Variants in PIDD1 observed in about 807,000 individuals in gnomAD.
PIDD1 encodes p53-induced death domain-containing protein 1.
PIDD1 carries 72 observed loss-of-function variants against 80.0 expected under a neutral mutation model. The observed-to-expected ratio is 0.90, with a 90% CI of 0.74 to 1.09. PIDD1 has a LOEUF of 1.09. Ranked by LOEUF, PIDD1 falls within the 50% of genes least tolerant of loss-of-function variation. The pLI is 0.00. For missense variants in PIDD1, 1,329 were observed against 1,228.3 expected (o/e 1.08, Z -1.23); for synonymous variants, 655 against 543.5 (o/e 1.21, Z -2.85).
intron 2 of PIDD1, 105 bp from the exon 3 acceptor site, chr11:803,692 C>T: frequency 8.0e-7 from 1 of 1,250,506 alleles, no homozygotes; most frequent in Non-Finnish European, 1.1e-6. Context: ...AGACCTCCCA[C>T]CCCACCCCCA....
At position 801,179 on chromosome 11, in the gene PIDD1, T is replaced by C. The variant is rs371875584; in HGVS notation, c.1630+39A>G. The C allele has an allele frequency of 2.6e-6, 4 of 1,544,186 alleles. No homozygotes were observed. The African/African-American group carries it at 4.1e-5, about 16-fold the overall frequency. ...CTGGCCGGAGACCCCCTCCACCCTA[T>C]GGCCACAGGTCCAGGTATGCCCCAT... On this transcript the variant is annotated intron_variant, in intron 9 of 15. Transcript: ENST00000347755.
Position 802,293 on chromosome 11 carries a change from G to C in PIDD1, c.1078C>G (p.Leu360Val). The change falls in exon 6 of 16, where the codon CTG (leucine) becomes GTG (valine). Residue 360 changes from leucine to valine, a missense_variant. Transcript: ENST00000347755. ...TATPITIRYR[L>V]LLPEPGLVPL... The stretch of plus-strand genomic sequence containing the variant: ...ACGAGGCCTGGCTCCGGCAGCAGCA[G>C]CCGATAGCGGATGGTGATGGGGGTG... The C allele has an allele frequency of 6.2e-7, 1 of 1,612,178 alleles. No homozygotes were observed. The highest frequency in any genetic ancestry group is 8.5e-7 in the Non-Finnish European group (1 of 1,179,740).
chr11:808,147 C>T (rs1361001340), upstream of PIDD1, among the ~76,000 whole-genome samples: 4 of 151,680 alleles, frequency 2.6e-5, no homozygotes, highest in African/African-American at 9.7e-5. Context: ...TGAGATGGGG[C>T]TGGGCACAGT....
In PIDD1 at chr11:803,306, GGGCCCCCAGT is replaced by G; in HGVS notation, c.567_576del (p.Leu190TyrfsTer78). 1 of 1,613,786 alleles carries G rather than the reference GGGCCCCCAGT, an allele frequency of 6.2e-7. No homozygotes were observed. Among genetic ancestry groups the G allele is most frequent in the Non-Finnish European group, 8.5e-7 (1 of 1,179,846 alleles). The stretch of plus-strand genomic sequence containing the variant: ...AGATCGAGGCGCTGCAGGGTGGATA[GGGCCCCCAGT>G]GCTGGGGGCAGCGTCTGCAGGCGGT... On this transcript the variant is annotated frameshift_variant, in exon 3 of 16. Coordinates refer to ENST00000347755, the MANE Select transcript of PIDD1 (RefSeq NM_145886.4). LOFTEE classifies it high-confidence loss of function.
Position 801,417 on chromosome 11 carries a change from G to A in PIDD1, c.1482+28C>T, listed in dbSNP as rs764619642. On this transcript the variant is annotated intron_variant, in intron 8 of 15. Coordinates refer to ENST00000347755, the MANE Select transcript of PIDD1 (RefSeq NM_145886.4). ...CTGCCTGTGGGCTGAGGCGCGGCCT[G>A]CCACCCTCAGTGCTGTCCTGGCCAT... 25 of 1,569,648 alleles carry A rather than the reference G, an allele frequency of 1.6e-5. 1 individual carries two copies. The Middle Eastern group carries it at 3.6e-3, about 225-fold the overall frequency.
In PIDD1 at chr11:802,075, G is replaced by A; in HGVS notation, c.1192C>T (p.Leu398=). 6.3e-7 allele frequency: 1 copy of A among 1,579,776 alleles called. No homozygotes were observed. The highest frequency in any genetic ancestry group is 8.6e-7 in the Non-Finnish European group (1 of 1,163,424). Residue 398 remains leucine, a synonymous_variant, in exon 7 of 16, where the codon CTG becomes TTG. Coordinates refer to ENST00000347755, the MANE Select transcript of PIDD1 (RefSeq NM_145886.4). The part of the protein sequence containing the change: ...VAFQQDVGLW[L]LFTPPQARRC... Reference sequence around the variant, plus strand: ...CGGGCCTGCGGTGGGGTGAAGAGCAGCCACAGCCCCACATCCTGCCAGACA... The same window carrying A: ...CGGGCCTGCGGTGGGGTGAAGAGCAACCACAGCCCCACATCCTGCCAGACA...
rs756331241 is a variant in PIDD1 at position 801,450 on chromosome 11, T to C, written c.1477A>G (p.Met493Val). 1.2e-5 allele frequency: 18 copies of C among 1,549,104 alleles called. No homozygotes were observed. In the Admixed American group the frequency reaches 2.7e-4, roughly 23 times the overall value. The change falls in exon 8 of 16, where the codon ATG (methionine) becomes GTG (valine). Residue 493 changes from methionine (M) to valine (V), a missense_variant. By Grantham distance (21) the Met-to-Val change is conservative. Transcript: ENST00000347755. ...GATEEPRRVS[M>V]QVVRMAGREL... is the part of the protein sequence containing the mutation. Reference sequence around the variant, plus strand: ...CAGTGCTGTCCTGGCCATACCTGCATGGAGACTCGACGAGGCTCCTCAGTG... The same window carrying C: ...CAGTGCTGTCCTGGCCATACCTGCACGGAGACTCGACGAGGCTCCTCAGTG...
chr11:799,499 T>C lies in PIDD1; in HGVS notation c.2541A>G (p.Pro847=). The change falls in exon 16 of 16, where the codon CCA becomes CCG. Residue 847 remains proline (P), a synonymous_variant. Coordinates refer to ENST00000347755, the MANE Select transcript of PIDD1 (RefSeq NM_145886.4). ...FSWAERQAGQ[P]GAVGLLVQAL... is the part of the protein sequence containing the mutation. ...CCTGCACCAGGAGCCCCACAGCCCCTGGCTGCCCAGCCTGGCGCTCAGCCC... is the reference window on the plus strand; with the variant it reads ...CCTGCACCAGGAGCCCCACAGCCCCCGGCTGCCCAGCCTGGCGCTCAGCCC... 6.2e-7 allele frequency: 1 copy of C among 1,607,696 alleles called. No individual in the cohort carries two copies.
At position 802,300 on chromosome 11, in the gene PIDD1, G is replaced by A; in HGVS notation, c.1071C>T (p.Arg357=). ...CTGGCTCCGGCAGCAGCAGCCGATA[G>A]CGGATGGTGATGGGGGTGGCGGTGG... ...AGATATPITI[R]YRLLLPEPGL... The change falls in exon 6 of 16, where the codon CGC becomes CGT. Residue 357 remains arginine (R), a synonymous_variant. Coordinates refer to ENST00000347755, the MANE Select transcript of PIDD1 (RefSeq NM_145886.4). 2 of 1,612,294 alleles carry A rather than the reference G, an allele frequency of 1.2e-6. No homozygotes were observed. The highest frequency in any genetic ancestry group is 8.5e-7 in the Non-Finnish European group (1 of 1,179,802).
Position 799,456 on chromosome 11 carries a change from G to T in PIDD1, c.2584C>A (p.Arg862=). The change falls in exon 16 of 16, where the codon CGG becomes AGG. Residue 862 remains arginine, a synonymous_variant. Coordinates refer to ENST00000347755, the MANE Select transcript of PIDD1 (RefSeq NM_145886.4). The part of the protein sequence containing the change: ...LLVQALEQSD[R]QDVAEEVRAV... ...CGCACCTCTTCAGCCACGTCCTGCC[G>T]GTCACTCTGCTCCAGGGCCTGCACC... 6.2e-7 allele frequency: 1 copy of T among 1,610,178 alleles called. No individual in the cohort carries two copies.
rs1168472005 is a variant in PIDD1, at chr11:803,460, C to T, written c.423G>A (p.Pro141=). 22 of 1,613,666 alleles carry T rather than the reference C, an allele frequency of 1.4e-5. No homozygotes were observed. The highest frequency in any genetic ancestry group is 6.7e-5 in the African/African-American group (5 of 74,904). ...DLSFNSLETL[P]ACVLQMRGLG... Reference sequence around the variant, plus strand: ...GACCTCGCATCTGCAGGACACAGGCCGGCAGTGTCTCCAGGCTGTTGAAGC... The same window carrying T: ...GACCTCGCATCTGCAGGACACAGGCTGGCAGTGTCTCCAGGCTGTTGAAGC... The change falls in exon 3 of 16, where the codon CCG becomes CCA. Residue 141 remains proline, a synonymous_variant. Transcript: ENST00000347755.
chr11:800,977 G>A lies in PIDD1; in HGVS notation c.1766+8C>T, dbSNP rs962099531. The A allele has an allele frequency of 1.3e-6, 2 of 1,518,342 alleles. No individual in the cohort carries two copies. Among genetic ancestry groups the A allele is most frequent in the South Asian group, 1.1e-5 (1 of 87,572 alleles). The allele number at this position is 1,518,342 out of a possible 1,614,324, so 94.1% of individuals were successfully genotyped here. ...GGAGGGGGGCTGAGAAAGCTGGGGG[G>A]CACTGACCAGGAGAAGTGTGTGACC... On this transcript the variant is annotated splice_region_variant and intron_variant, in intron 10 of 15. Coordinates refer to ENST00000347755, the MANE Select transcript of PIDD1 (RefSeq NM_145886.4).
intron 1 of PIDD1, 195 bp from the exon 2 acceptor site, chr11:804,658 C>T (rs1272845986): frequency 6.4e-6 from 3 of 465,710 alleles, no homozygotes; most frequent in Admixed American, 8.2e-5. Flanking sequence ...GGAATGGGAC[C>T]GCCATGGCTC....
At chr11:804,524 A>G in intron 1 of PIDD1, 61 bp from the exon 2 acceptor site, 1 of 1,422,816 alleles carries the variant, frequency 7.0e-7, no homozygotes. Flanking sequence ...TTGGGGAAAC[A>G]GGGACTCTGG....
Position 802,881 on chromosome 11 carries a change from C to T in PIDD1, c.720G>A (p.Arg240=). ...TGTGCAGGACAAGGAGCCGCAAGGA[C>T]CGAAGTCCCGCTGCGGGCAGTTGCT... ...QSLPASLAGL[R]SLRLLVLHSN... Residue 240 remains arginine (R), a synonymous_variant, in exon 4 of 16, where the codon CGG becomes CGA. Coordinates refer to ENST00000347755, the MANE Select transcript of PIDD1 (RefSeq NM_145886.4). 1 of 1,567,216 alleles carries T rather than the reference C, an allele frequency of 6.4e-7. No individual in the cohort carries two copies.
Position 800,344 on chromosome 11 carries a change from C to T in PIDD1, c.2149G>A (p.Val717Met). ...CTCCCCTCGCCCACCTGGCCCCGCA[C>T]AGCCTGAGCCTCCCGGTCCAGAGTG... ...TTTLDREAQA[V>M]RGQVSFYRGA... Residue 717 changes from valine (V) to methionine (M), a missense_variant, in exon 13 of 16, where the codon GTG becomes ATG. Transcript: ENST00000347755. 3 of 1,612,828 alleles carry T rather than the reference C, an allele frequency of 1.9e-6. No homozygotes were observed. Among genetic ancestry groups the T allele is most frequent in the Non-Finnish European group, 2.5e-6 (3 of 1,179,972 alleles).
intron 6 of PIDD1, 42 bp downstream of exon 6, chr11:802,153 T>TGCCCTGGCCCACACACTGCCCCCGCCAC: frequency 6.4e-7 from 1 of 1,564,368 alleles, no homozygotes. Context: ...GCCCCTGCCA[T>TGCCCTGGCCCACACACTGCCCCCGCCAC]GCCCTGGCCC....
Position 801,118 on chromosome 11 carries a change from G to A in PIDD1, c.1633C>T (p.Leu545Phe). ...TGCAGGCGGGAGCGGTCCAGACTGA[G>A]GCCTGGGGATGGGAGGGGCAGCGAG... ...QLPLPSGITG[L>F]SLDRSRLHLL... Residue 545 changes from leucine to phenylalanine, a missense_variant and splice_region_variant, in exon 10 of 16, where the codon CTC (leucine) becomes TTC (phenylalanine). By Grantham distance (22) the Leu-to-Phe change is conservative (BLOSUM62 0). Transcript: ENST00000347755. 3.2e-6 allele frequency: 5 copies of A among 1,556,326 alleles called. No homozygotes were observed. The highest frequency in any genetic ancestry group is 2.3e-5 in the East Asian group (1 of 43,940).
chr11:801,195 T>C, intron 9 of PIDD1, 23 bp downstream of exon 9: 1 of 1,546,602 alleles, frequency 6.5e-7, no homozygotes, highest in South Asian at 1.2e-5. Flanking sequence ...CAGGTCCAGG[T>C]ATGCCCCATG....
Sources: allele counts gnomAD v4.1 joint callset (sites outside exome capture counted in the v4.1 genomes callset), GRCh38; gene constraint gnomAD v4.1.1; transcripts MANE v1.5; gene names NCBI Gene and HGNC (gene_info 2026-07-23, HGNC 2026-07-21).